RBFOX1: variants seen among roughly 807,000 people sequenced by gnomAD.
The protein encoded by RBFOX1 is RNA binding fox-1 homolog 1, also known as RNA binding protein fox-1 homolog 1.
In RBFOX1, 8 loss-of-function variants were observed where a neutral mutation model predicts 57.7. The observed-to-expected ratio is 0.14, with a 90% CI of 0.08 to 0.25. RBFOX1 has a LOEUF of 0.25. Ranked by LOEUF, RBFOX1 falls within the 10% of genes least tolerant of loss-of-function variation. RBFOX1 has a pLI of 1.00. For missense variants in RBFOX1, 611 were observed against 548.5 expected (o/e 1.11, Z -1.14); for synonymous variants, 326 against 222.4 (o/e 1.47, Z -4.15).
At chr16:7,523,672 C>T (rs1436916426) in intron 5 of RBFOX1, among the ~76,000 whole-genome samples, 1 of 152,108 alleles carries the variant, frequency 6.6e-6, no homozygotes, top group African/African-American at 2.4e-5. Context: ...GGGGCTGATC[C>T]TGAAGGAAGT....
intron 1 of RBFOX1, among the ~76,000 whole-genome samples, chr16:6,168,822 T>G (rs1388995695): frequency 3.3e-5 from 5 of 152,090 alleles, no homozygotes; most frequent in Non-Finnish European, 5.9e-5. Flanking sequence ...TTTTTACTTT[T>G]TTTTTTTTTA....
intron 2 of RBFOX1, among the ~76,000 whole-genome samples, chr16:6,372,440 G>A (rs1364830185): frequency 6.6e-6 from 1 of 151,552 alleles, no homozygotes; most frequent in Non-Finnish European, 1.5e-5. Flanking sequence ...TTGGATGGAA[G>A]GATAGTTGGT....
At chr16:6,495,552 T>C (rs145487533) in intron 2 of RBFOX1, among the ~76,000 whole-genome samples, 3 of 152,300 alleles carry the variant, frequency 2.0e-5, no homozygotes, top group Admixed American at 6.5e-5. Context: ...TGAAAAGAAA[T>C]AATAAATGAA....
chr16:7,308,395 C>G (rs557467636), intron 4 of RBFOX1, among the ~76,000 whole-genome samples: 2 of 150,784 alleles, frequency 1.3e-5, no homozygotes, highest in African/African-American at 2.4e-5. Context: ...TCTCTCAGTA[C>G]TATTCTAAGA....
intron 4 of RBFOX1, among the ~76,000 whole-genome samples, chr16:5,879,051 G>T (rs1263712429): frequency 6.6e-6 from 1 of 152,202 alleles, no homozygotes; most frequent in African/African-American, 2.4e-5. Context: ...TGGTCCTGTA[G>T]CCCCCTCCTT....
Position 6,302,834 on chromosome 16 carries a change from A to G in RBFOX1, c.-126-14161A>G, listed in dbSNP as rs138302851. ...TGCCCCTTTTAGTGATTCATTTAGA[A>G]AAATATATTTTTAAGACATTTTTCA... On this transcript the variant is annotated intron_variant, in intron 1 of 15. Coordinates refer to ENST00000550418, the MANE Select transcript of RBFOX1 (RefSeq NM_018723.4). Among the ~76,000 whole-genome samples, 276 of 152,350 alleles carry G rather than the reference A, an allele frequency of 1.8e-3. 2 individuals are homozygous for G. Among genetic ancestry groups the G allele is most frequent in the African/African-American group, 6.4e-3 (267 of 41,594 alleles).
chr16:7,081,284 C>G (rs1598939042), intron 4 of RBFOX1, among the ~76,000 whole-genome samples: 1 of 152,338 alleles, frequency 6.6e-6, no homozygotes, highest in African/African-American at 2.4e-5. Flanking sequence ...ATCCACCAGC[C>G]TTGGCCTCCC....
intron 4 of RBFOX1, among the ~76,000 whole-genome samples, chr16:7,251,965 C>G (rs1232068752): frequency 2.0e-5 from 3 of 152,098 alleles, no homozygotes; most frequent in African/African-American, 4.8e-5. Flanking sequence ...CAGTGGGGCA[C>G]TGGGTGATTC....
At chr16:5,929,032 T>TAAA (rs1271044274) in intron 4 of RBFOX1, among the ~76,000 whole-genome samples, 25 of 105,884 alleles carry the variant, frequency 2.4e-4, no homozygotes, top group Middle Eastern at 4.3e-3. Flanking sequence ...TCTTTCCAAT[T>TAAA]TAAAAAAAAA....
At chr16:5,640,966 A>T (rs1215442440) in intron 3 of RBFOX1, among the ~76,000 whole-genome samples, 2 of 151,832 alleles carry the variant, frequency 1.3e-5, no homozygotes, top group African/African-American at 4.8e-5. Context: ...GCATACACAC[A>T]TGCACACACA....
chr16:6,472,629 T>TC (rs1295984442), intron 2 of RBFOX1, among the ~76,000 whole-genome samples: 4 of 151,632 alleles, frequency 2.6e-5, no homozygotes, highest in Non-Finnish European at 5.9e-5. Flanking sequence ...TTTCTTTCTT[T>TC]CTTTTTTTTT....
chr16:6,947,609 G>A (rs762898289), intron 3 of RBFOX1, among the ~76,000 whole-genome samples: 12 of 152,204 alleles, frequency 7.9e-5, no homozygotes, highest in Non-Finnish European at 1.8e-4. Flanking sequence ...TTGCGTAGAA[G>A]GAAAACTGTT....
intron 3 of RBFOX1, among the ~76,000 whole-genome samples, chr16:6,785,802 G>C (rs140461958): frequency 1.3e-5 from 2 of 149,322 alleles, no homozygotes; most frequent in Non-Finnish European, 3.0e-5. Flanking sequence ...AACAATGAGA[G>C]CATGATGAGA....
intron 1 of RBFOX1, among the ~76,000 whole-genome samples, chr16:6,066,734 C>T (rs1422263250): frequency 5.3e-5 from 8 of 152,072 alleles, no homozygotes; most frequent in African/African-American, 1.2e-4. Flanking sequence ...CAAGCATTGG[C>T]CTTTGCCCAG....
At chr16:6,447,573 G>C (rs1382017833) in intron 2 of RBFOX1, among the ~76,000 whole-genome samples, 1 of 152,162 alleles carries the variant, frequency 6.6e-6, no homozygotes, top group South Asian at 2.1e-4. Context: ...TAGACCGTGT[G>C]CTAATTCTGT....
At chr16:5,676,920 G>T (rs1398743011) in intron 3 of RBFOX1, among the ~76,000 whole-genome samples, 3 of 152,188 alleles carry the variant, frequency 2.0e-5, no homozygotes. Context: ...ATAAATGTTG[G>T]TGATTGACTT....
intron 4 of RBFOX1, among the ~76,000 whole-genome samples, chr16:7,496,664 T>G (rs545974463): frequency 1.6e-4 from 24 of 147,242 alleles, no homozygotes; most frequent in Admixed American, 1.3e-3. Context: ...TGTATTTACA[T>G]TCCAACAATG....
intron 1 of RBFOX1, among the ~76,000 whole-genome samples, chr16:6,280,095 G>A (rs568881119): frequency 2.0e-5 from 3 of 151,998 alleles, no homozygotes; most frequent in Admixed American, 6.6e-5. Context: ...TTTGGGGGTC[G>A]GGAAAGGGGG....
At chr16:5,267,922 T>C (rs1280521793) in intron 1 of RBFOX1, among the ~76,000 whole-genome samples, 13 of 151,974 alleles carry the variant, frequency 8.6e-5, no homozygotes, top group Admixed American at 8.5e-4. Flanking sequence ...CTACTAAAAA[T>C]ACAAAAATTA....
Sources: allele counts gnomAD v4.1 joint callset (sites outside exome capture counted in the v4.1 genomes callset), GRCh38; gene constraint gnomAD v4.1.1; transcripts MANE v1.5; gene names NCBI Gene and HGNC (gene_info 2026-07-23, HGNC 2026-07-21).